The following SPAG16 variants were observed in gnomAD, a reference collection of about 807,000 sequenced individuals.
SPAG16 encodes the protein sperm-associated antigen 16 protein.
A neutral mutation model predicts 80.4 loss-of-function variants in SPAG16; 86 were observed. The observed-to-expected ratio is 1.07, with a 90% CI of 0.90 to 1.28. SPAG16 has a LOEUF of 1.28. Ranked by LOEUF, SPAG16 falls within the 50% of genes most tolerant of loss-of-function variation. The pLI, the probability that SPAG16 is intolerant of heterozygous loss-of-function variation, is 0.00. For missense variants in SPAG16, 870 were observed against 765.3 expected (o/e 1.14, Z -1.61); for synonymous variants, 294 against 265.9 (o/e 1.11, Z -1.03).
intron 9 of SPAG16, among the ~76,000 whole-genome samples, chr2:213,439,178 G>A (rs528390078): frequency 2.0e-5 from 3 of 152,266 alleles, no homozygotes; most frequent in African/African-American, 7.2e-5. Flanking sequence ...ATAAATTTGT[G>A]TTATTTTAAA....
chr2:214,139,741 G>A (rs888215745), intron 14 of SPAG16, among the ~76,000 whole-genome samples: 3 of 151,986 alleles, frequency 2.0e-5, no homozygotes, highest in African/African-American at 4.8e-5. Context: ...AAGCCTACAC[G>A]CCTTAACATC....
intron 10 of SPAG16, among the ~76,000 whole-genome samples, chr2:213,749,996 G>A (rs898300364): frequency 3.9e-5 from 6 of 152,126 alleles, no homozygotes; most frequent in African/African-American, 1.2e-4. Context: ...ATCTAGCCCT[G>A]TTGCATTGTA....
At chr2:213,455,674 T>G (rs2071958093) in intron 9 of SPAG16, among the ~76,000 whole-genome samples, 1 of 152,200 alleles carries the variant, frequency 6.6e-6, no homozygotes, top group African/African-American at 2.4e-5. Context: ...GCTTGCAACC[T>G]AGATCCCTCA....
At chr2:213,446,539 G>A (rs2071324850) in intron 9 of SPAG16, among the ~76,000 whole-genome samples, 1 of 152,014 alleles carries the variant, frequency 6.6e-6, no homozygotes, top group African/African-American at 2.4e-5. Context: ...ACAAAATAAA[G>A]TAAAAAGAAT....
chr2:213,488,989 C>T (rs7563147), intron 9 of SPAG16, among the ~76,000 whole-genome samples: 8,986 of 148,370 alleles, frequency 0.061, 956 homozygotes, highest in African/African-American at 0.21. Context: ...GCACGGGAAT[C>T]GCCTGAATCC....
At chr2:213,904,461 G>C (rs1438387568) in intron 11 of SPAG16, among the ~76,000 whole-genome samples, 1 of 151,978 alleles carries the variant, frequency 6.6e-6, no homozygotes, top group Non-Finnish European at 1.5e-5. Context: ...AATAGTATGG[G>C]GGAAACCATC....
chr2:213,724,776 CAA>C (rs1159240137), intron 10 of SPAG16, among the ~76,000 whole-genome samples: 3 of 39,904 alleles, frequency 7.5e-5, no homozygotes, highest in African/African-American at 3.4e-4. Context: ...GACTCTGTCT[CAA>C]AAAAAAAAAA....
intron 10 of SPAG16, among the ~76,000 whole-genome samples, chr2:213,632,642 C>A (rs1002825471): frequency 6.6e-6 from 1 of 151,894 alleles, no homozygotes; most frequent in Non-Finnish European, 1.5e-5. Context: ...GAGGTATATT[C>A]CTTCTATCTC....
At chr2:213,661,363 G>C (rs919604466) in intron 10 of SPAG16, among the ~76,000 whole-genome samples, 5 of 152,108 alleles carry the variant, frequency 3.3e-5, no homozygotes, top group Non-Finnish European at 4.4e-5. Context: ...AAACTGAAAA[G>C]ATAAATATAT....
At chr2:214,353,874 T>G (rs1698586258) in intron 15 of SPAG16, among the ~76,000 whole-genome samples, 1 of 152,174 alleles carries the variant, frequency 6.6e-6, no homozygotes. Context: ...GCATGTGTTT[T>G]GCAGTGACTG....
chr2:214,312,871 C>T (rs1405242498), intron 15 of SPAG16, among the ~76,000 whole-genome samples: 1 of 151,890 alleles, frequency 6.6e-6, no homozygotes, highest in Non-Finnish European at 1.5e-5. Context: ...TTTTTTGAAG[C>T]AGATTATCTA....
At chr2:213,590,443 C>G (rs550320925) in intron 10 of SPAG16, among the ~76,000 whole-genome samples, 2 of 137,170 alleles carry the variant, frequency 1.5e-5, no homozygotes, top group African/African-American at 5.4e-5. Flanking sequence ...AACAAAACAA[C>G]AAGAAAAAAA....
At chr2:214,262,666 T>C (rs1043783704) in intron 15 of SPAG16, among the ~76,000 whole-genome samples, 1 of 152,062 alleles carries the variant, frequency 6.6e-6, no homozygotes, top group Non-Finnish European at 1.5e-5. Flanking sequence ...TCCGTATCTA[T>C]AAAATGGGGG....
At chr2:214,049,245 T>C (rs571677508) in intron 13 of SPAG16, among the ~76,000 whole-genome samples, 3 of 152,296 alleles carry the variant, frequency 2.0e-5, no homozygotes, top group African/African-American at 7.2e-5. Context: ...AGTTAAGAAA[T>C]TAAATGGAGC....
At chr2:214,211,372 C>T (rs1374154894) in intron 15 of SPAG16, among the ~76,000 whole-genome samples, 1 of 152,104 alleles carries the variant, frequency 6.6e-6, no homozygotes, top group African/African-American at 2.4e-5. Context: ...CACAAAAGTC[C>T]ACACTGTCAT....
chr2:213,541,705 A>G (rs2076452944), intron 10 of SPAG16, among the ~76,000 whole-genome samples: 1 of 152,228 alleles, frequency 6.6e-6, no homozygotes, highest in African/African-American at 2.4e-5. Context: ...TAATAAACAT[A>G]AAGAACAAGA....
intron 10 of SPAG16, among the ~76,000 whole-genome samples, chr2:213,683,961 G>C (rs1559373750): frequency 6.6e-6 from 1 of 152,172 alleles, no homozygotes; most frequent in Non-Finnish European, 1.5e-5. Context: ...TGAAATGTAG[G>C]AAAGCGTTTT....
intron 10 of SPAG16, among the ~76,000 whole-genome samples, chr2:213,617,677 G>A (rs577518031): frequency 1.3e-5 from 2 of 152,080 alleles, no homozygotes; most frequent in Non-Finnish European, 2.9e-5. Context: ...GCAAGGCATA[G>A]TGGCATGTGC....
chr2:214,353,241 A>G (rs1393859792), intron 15 of SPAG16, among the ~76,000 whole-genome samples: 2 of 152,062 alleles, frequency 1.3e-5, no homozygotes, highest in African/African-American at 4.8e-5. Context: ...AATCAAGCTG[A>G]TTAATTCAAC....
Sources: allele counts gnomAD v4.1 joint callset (sites outside exome capture counted in the v4.1 genomes callset), GRCh38; gene constraint gnomAD v4.1.1; transcripts MANE v1.5; gene names NCBI Gene and HGNC (gene_info 2026-07-23, HGNC 2026-07-21).